LIG1: variants seen among roughly 807,000 people sequenced by gnomAD.
LIG1 encodes the protein ligase I, DNA, ATP-dependent.
A neutral mutation model predicts 115.7 loss-of-function variants in LIG1; 70 were observed. The ratio of observed to expected loss-of-function variants is 0.60; its 90% CI spans 0.50 to 0.74. The LOEUF (loss-of-function observed/expected upper bound fraction) is 0.74. Ranked by LOEUF, LIG1 falls within the 30% of genes least tolerant of loss-of-function variation. LIG1 has a pLI of 0.00. For missense variants in LIG1, 1,115 were observed against 1,225.6 expected, an observed-to-expected ratio of 0.91 and a Z score of 1.35; for synonymous variants, 487 against 495.3, an observed-to-expected ratio of 0.98 and a Z score of 0.22.
chr19:48,169,571 T>C (rs1005550508), intron 1 of LIG1: 2 of 152,956 alleles, frequency 1.3e-5, no homozygotes, highest in Admixed American at 6.5e-5. Flanking sequence ...CTCCATCTTT[T>C]ACGAGCCCTT....
chr19:48,161,170 C>T (rs985816966), intron 4 of LIG1: 7 of 666,890 alleles, frequency 1.0e-5, no homozygotes, highest in South Asian at 1.7e-5. Context: ...CAAGACCTAA[C>T]GTGGTGAAGG....
chr19:48,169,269 T>C lies in LIG1; in HGVS notation c.-58+972A>G, dbSNP rs1599905218. 2.6e-5 allele frequency among the ~76,000 whole-genome samples: 4 copies of C among 152,084 alleles called. No homozygotes were observed. In the South Asian group the frequency reaches 6.2e-4, roughly 24 times the overall value. On this transcript the variant is annotated intron_variant, in intron 1 of 27. Coordinates refer to ENST00000263274, the MANE Select transcript of LIG1 (RefSeq NM_000234.3). ...TTACGATGGGGGTTACACAAATCTA[T>C]ACAAGGAATCAAGCTGCACGGGCAC...
Position 48,132,790 on chromosome 19 carries a change from C to CAAAA in LIG1, c.1725+188_1725+191dup, listed in dbSNP as rs71181649. Among the ~76,000 whole-genome samples the CAAAA allele has an allele frequency of 2.5e-4, 12 of 48,258 alleles. 1 individual carries two copies. The highest frequency in any genetic ancestry group is 6.6e-4 in the African/African-American group (6 of 9,048). The allele number at this position is 48,258 out of a possible 152,430, so 31.7% of individuals were successfully genotyped here. ...TGGATGACAGAGTGAGACTCTGTCT[C>CAAAA]AAAAAAAAAAAAAAAAAAAAAAAAA... On this transcript the variant is annotated intron_variant, in intron 18 of 27. Coordinates refer to ENST00000263274, the MANE Select transcript of LIG1 (RefSeq NM_000234.3).
At chr19:48,116,029 C>T (rs977323232) in intron 26 of LIG1, 64 bp from the exon 27 acceptor site, 2 of 1,158,340 alleles carry the variant, frequency 1.7e-6, no homozygotes, top group African/African-American at 3.1e-5. Flanking sequence ...AGTCTCCTCC[C>T]TCCTCCACTC....
At chr19:48,119,021 C>G in intron 25 of LIG1, 116 bp downstream of exon 25, 6 of 820,046 alleles carry the variant, frequency 7.3e-6, no homozygotes, top group Non-Finnish European at 1.2e-5. Context: ...TGCTGCCCTC[C>G]TGCCCACACC....
At chr19:48,117,899 CAG>C (rs2032977036) in intron 25 of LIG1, 118 bp from the exon 26 acceptor site, 1 of 1,017,418 alleles carries the variant, frequency 9.8e-7, no homozygotes, top group Admixed American at 2.0e-5. Context: ...TTGAAGTAAA[CAG>C]AAATAGGAAG....
At chr19:48,123,476 T>G in intron 21 of LIG1, 158 bp from the exon 22 acceptor site, 2 of 830,894 alleles carry the variant, frequency 2.4e-6, no homozygotes, top group South Asian at 3.2e-5. Context: ...AGAAGGATTC[T>G]GAGAGCTTAA....
chr19:48,120,649 C>A, intron 24 of LIG1: 1 of 757,392 alleles, frequency 1.3e-6, no homozygotes, highest in Non-Finnish European at 1.6e-6. Context: ...TGATGAGCAA[C>A]AGAACTTGAG....
intron 11 of LIG1, 23 bp downstream of exon 11, chr19:48,143,520 C>A: frequency 1.6e-6 from 1 of 609,994 alleles, no homozygotes; most frequent in Non-Finnish European, 3.0e-6. Flanking sequence ...CCGCCCCCCA[C>A]CCAGGCAGTC....
intron 20 of LIG1, 116 bp from the exon 21 acceptor site, chr19:48,127,464 A>C (rs2033747965): frequency 1.3e-5 from 12 of 946,252 alleles, no homozygotes; most frequent in African/African-American, 6.4e-5. Context: ...CTGGCTGCCC[A>C]TCTGTGAGGG....
chr19:48,130,641 T>G (rs987685941), intron 19 of LIG1, among the ~76,000 whole-genome samples: 1 of 152,164 alleles, frequency 6.6e-6, no homozygotes, highest in Non-Finnish European at 1.5e-5. Context: ...GGACAGTGAC[T>G]CCCAGCTGCA....
At chr19:48,120,790 A>G (rs1403249716) in intron 24 of LIG1, 1 of 446,734 alleles carries the variant, frequency 2.2e-6, no homozygotes, top group Admixed American at 5.4e-5. Flanking sequence ...CCAGAGGCAC[A>G]TGGCAGAAAA....
In LIG1 at chr19:48,136,016, CG is replaced by C; in HGVS notation, c.1423+17del. The stretch of plus-strand genomic sequence containing the variant: ...GTAACTCCAGCGAGGGATGCAGAGA[CG>C]GGCCACAGGAGCTCACCTTGGCCCG... On this transcript the variant is annotated intron_variant, in intron 15 of 27. Coordinates refer to ENST00000263274, the MANE Select transcript of LIG1 (RefSeq NM_000234.3). 6.5e-7 allele frequency: 1 copy of C among 1,543,556 alleles called. No individual in the cohort carries two copies. The highest frequency in any genetic ancestry group is 8.8e-7 in the Non-Finnish European group (1 of 1,140,910).
intron 12 of LIG1, 45 bp downstream of exon 12, chr19:48,139,926 C>T (rs755281846): frequency 5.6e-6 from 9 of 1,606,974 alleles, no homozygotes; most frequent in Non-Finnish European, 6.0e-6. Context: ...TTTTCTCTGG[C>T]TGAGCTCCTG....
intron 11 of LIG1, 146 bp downstream of exon 11, chr19:48,143,397 C>T (rs2122723358): frequency 1.2e-6 from 1 of 815,146 alleles, no homozygotes; most frequent in Non-Finnish European, 2.2e-6. Flanking sequence ...CTTTTGTGAC[C>T]ATGTCTGACA....
At chr19:48,143,680 C>T in intron 10 of LIG1, 81 bp from the exon 11 acceptor site, 3 of 1,298,580 alleles carry the variant, frequency 2.3e-6, no homozygotes, top group East Asian at 2.3e-5. Flanking sequence ...CTTCCTCACG[C>T]CTCCTCGGGA....
chr19:48,117,965 G>T lies in LIG1; in HGVS notation c.2440-184C>A, dbSNP rs3731044. The T allele has an allele frequency of 3.7e-3, 2,385 of 646,290 alleles. 47 individuals are homozygous for T. The African/African-American group carries it at 0.038, about 10-fold the overall frequency. 40.0% of individuals were successfully genotyped at this position (646,290 alleles called of 1,614,324 possible). On this transcript the variant is annotated intron_variant, in intron 25 of 27. Transcript: ENST00000263274. ...CCCTTGAAGTAAACAGAAATAGAAA[G>T]AGAAACAGAAAGTGAAAGAAGGGAA...
At chr19:48,165,413 C>A (rs2036425441) in intron 2 of LIG1, 137 bp downstream of exon 2, 1 of 768,512 alleles carries the variant, frequency 1.3e-6, no homozygotes, top group African/African-American at 1.7e-5. Context: ...TTCCATACTA[C>A]TTGACTCCTG....
intron 1 of LIG1, among the ~76,000 whole-genome samples, chr19:48,168,496 G>C (rs138577159): frequency 6.6e-6 from 1 of 152,254 alleles, no homozygotes; most frequent in Admixed American, 6.5e-5. Context: ...GCCTCTGGAG[G>C]ACCACCTGGC....
Sources: allele counts gnomAD v4.1 joint callset (sites outside exome capture counted in the v4.1 genomes callset), GRCh38; gene constraint gnomAD v4.1.1; transcripts MANE v1.5; gene names NCBI Gene and HGNC (gene_info 2026-07-23, HGNC 2026-07-21).